EEF2K: variants seen among roughly 807,000 people sequenced by gnomAD.
EEF2K encodes alternative protein EEF2K.
Under a neutral mutation model 93.8 loss-of-function variants are expected in EEF2K, and 70 were observed. That is an observed-to-expected ratio of 0.75 (90% CI 0.62 to 0.91). The LOEUF (loss-of-function observed/expected upper bound fraction) is 0.91, where lower values mean the gene tolerates loss of function less well. Among genes scored for constraint, EEF2K ranks in the 40% least tolerant of loss-of-function variants. The pLI, the probability that EEF2K is intolerant of heterozygous loss-of-function variation, is 0.00. For synonymous variants in EEF2K, 376 were observed against 380.8 expected (o/e 0.99, Z 0.15); for missense variants, 935 against 972.9 (o/e 0.96, Z 0.52).
chr16:22,276,465 T>C (rs2047636308), intron 16 of EEF2K, among the ~76,000 whole-genome samples: 1 of 152,266 alleles, frequency 6.6e-6, no homozygotes, highest in East Asian at 1.9e-4. Flanking sequence ...ACCCCACCCA[T>C]GCAAAGAACA....
chr16:22,228,855 G>A (rs905995102), intron 2 of EEF2K, among the ~76,000 whole-genome samples: 5 of 152,200 alleles, frequency 3.3e-5, no homozygotes, highest in African/African-American at 1.2e-4. Context: ...TAAGCTCATA[G>A]CTGCAACTTG....
rs1555469266 is a variant in EEF2K, at chr16:22,226,517, C to CTTCTTTTT, written c.246+544_246+545insCTTTTTTT. On this transcript the variant is annotated intron_variant, in intron 2 of 17. Coordinates refer to ENST00000263026, the MANE Select transcript of EEF2K (RefSeq NM_013302.5). ...CTTTTTCTTTCTTTTCCTTCTTCTT[C>CTTCTTTTT]TTTTTTTTTTTTTTTATAAACGTGG... 1.8e-4 allele frequency among the ~76,000 whole-genome samples: 19 copies of CTTCTTTTT among 106,834 alleles called. No individual in the cohort carries two copies. The East Asian group carries it at 2.3e-3, about 13-fold the overall frequency. The allele number at this position is 106,834 out of a possible 152,430, so 70.1% of individuals were successfully genotyped here.
chr16:22,254,123 G>GTAA (rs1463084779), intron 6 of EEF2K, among the ~76,000 whole-genome samples: 1 of 147,666 alleles, frequency 6.8e-6, no homozygotes, highest in African/African-American at 2.5e-5. Context: ...AGTAGTAGTA[G>GTAA]TAACAATAAT....
At chr16:22,210,682 G>A (rs903505583) in intron 1 of EEF2K, among the ~76,000 whole-genome samples, 1 of 152,154 alleles carries the variant, frequency 6.6e-6, no homozygotes, top group South Asian at 2.1e-4. Context: ...ATGAAGCTAA[G>A]AGCGACTAAC....
intron 2 of EEF2K, among the ~76,000 whole-genome samples, chr16:22,230,540 G>A (rs1598171263): frequency 6.6e-6 from 1 of 151,090 alleles, no homozygotes; most frequent in East Asian, 2.0e-4. Context: ...TTTTTTCTTA[G>A]AGACACGGTC....
intron 2 of EEF2K, among the ~76,000 whole-genome samples, chr16:22,238,007 A>G (rs1290510595): frequency 6.6e-6 from 1 of 152,016 alleles, no homozygotes; most frequent in Non-Finnish European, 1.5e-5. Context: ...GAAATTGCCC[A>G]TGCTGGGTGC....
intron 2 of EEF2K, among the ~76,000 whole-genome samples, chr16:22,243,248 T>A (rs1287031874): frequency 3.6e-5 from 2 of 55,832 alleles, no homozygotes; most frequent in East Asian, 0.017. Context: ...ATGCAGCCTA[T>A]TTTTTTTTTT....
chr16:22,258,777 A>C, intron 10 of EEF2K, 82 bp downstream of exon 10: 1 of 1,568,080 alleles, frequency 6.4e-7, no homozygotes, highest in Non-Finnish European at 8.7e-7. Context: ...TTTATGTTAG[A>C]AAAATCAGAC....
intron 10 of EEF2K, among the ~76,000 whole-genome samples, chr16:22,260,253 T>G (rs970404815): frequency 6.6e-6 from 1 of 152,110 alleles, no homozygotes; most frequent in Admixed American, 6.6e-5. Flanking sequence ...ATCATGTAGC[T>G]GGCAAACAGC....
chr16:22,234,789 C>G (rs910516711), intron 2 of EEF2K, among the ~76,000 whole-genome samples: 8 of 151,424 alleles, frequency 5.3e-5, no homozygotes, highest in Non-Finnish European at 1.2e-4. Context: ...CTGGACTTGC[C>G]TTTTCTGGAC....
intron 10 of EEF2K, among the ~76,000 whole-genome samples, chr16:22,259,855 C>T (rs553782985): frequency 1.1e-4 from 17 of 152,084 alleles, no homozygotes; most frequent in South Asian, 8.3e-4. Context: ...TGGGTTCAAG[C>T]GATTCTCCTG....
chr16:22,255,012 A>G (rs552019029), intron 6 of EEF2K, among the ~76,000 whole-genome samples: 67 of 152,204 alleles, frequency 4.4e-4, no homozygotes, highest in Non-Finnish European at 8.2e-4. Context: ...CAGAGGTTGC[A>G]GTGAGCCAAG....
chr16:22,239,791 A>G (rs953127642), intron 2 of EEF2K, among the ~76,000 whole-genome samples: 2 of 151,874 alleles, frequency 1.3e-5, no homozygotes, highest in Non-Finnish European at 2.9e-5. Context: ...AGCCTGAGTG[A>G]CAGAGCAAGA....
At chr16:22,230,944 C>G (rs182468756) in intron 2 of EEF2K, among the ~76,000 whole-genome samples, 1 of 150,480 alleles carries the variant, frequency 6.6e-6, no homozygotes, top group East Asian at 2.0e-4. Context: ...CACTCTAAAA[C>G]AGTGCCTACT....
intron 2 of EEF2K, among the ~76,000 whole-genome samples, chr16:22,226,517 C>CTTCTTTTTTTTTTTTTTTT (rs1555469266): frequency 4.3e-4 from 46 of 106,884 alleles, no homozygotes; most frequent in East Asian, 1.0e-3. Context: ...CCTTCTTCTT[C>CTTCTTTTTTTTTTTTTTTT]TTTTTTTTTT....
chr16:22,225,135 TC>T (rs2047050460), intron 1 of EEF2K, among the ~76,000 whole-genome samples: 2 of 152,038 alleles, frequency 1.3e-5, no homozygotes, highest in African/African-American at 2.4e-5. Context: ...GAAAGGTTGT[TC>T]CAGGCACAAG....
chr16:22,232,001 A>AAAC (rs2047120834), intron 2 of EEF2K, among the ~76,000 whole-genome samples: 1 of 146,452 alleles, frequency 6.8e-6, no homozygotes, highest in East Asian at 2.0e-4. Context: ...AAACAAACAA[A>AAAC]AAAAAAAAAA....
chr16:22,257,155 G>C, intron 7 of EEF2K, 98 bp from the exon 8 acceptor site: 2 of 1,575,676 alleles, frequency 1.3e-6, no homozygotes, highest in Non-Finnish European at 1.7e-6. Flanking sequence ...ATAACTCCTT[G>C]AAGAGAAAGC....
At chr16:22,227,030 C>G (rs1233071683) in intron 2 of EEF2K, among the ~76,000 whole-genome samples, 1 of 152,102 alleles carries the variant, frequency 6.6e-6, no homozygotes, top group African/African-American at 2.4e-5. Context: ...GAAACTCCAT[C>G]TCTACTAAAA....
Sources: gnomAD v4.1 joint callset for allele counts (sites outside exome capture counted in the v4.1 genomes callset) on GRCh38, gnomAD v4.1.1 for gene constraint, MANE v1.5 for transcripts, NCBI Gene and HGNC (gene_info 2026-07-23, HGNC 2026-07-21) for gene names.